The following RCSD1 variants were observed in gnomAD, a reference collection of about 807,000 sequenced individuals.
The protein encoded by RCSD1 is RCSD domain containing 1, also known as capZ-interacting protein.
RCSD1 carries 26 observed loss-of-function variants against 42.5 expected under a neutral mutation model. The ratio of observed to expected loss-of-function variants is 0.61; its 90% CI spans 0.45 to 0.85. The LOEUF (loss-of-function observed/expected upper bound fraction) is 0.85, where lower values mean the gene tolerates loss of function less well. Ranked by LOEUF, RCSD1 falls within the 40% of genes least tolerant of loss-of-function variation. The pLI is 0.00. For synonymous variants in RCSD1, 220 were observed against 212.2 expected (o/e 1.04, Z -0.32); for missense variants, 571 against 528.3 (o/e 1.08, Z -0.79).
At chr1:167,636,881 A>G (rs1333335467) in intron 1 of RCSD1, among the ~76,000 whole-genome samples, 1 of 152,290 alleles carries the variant, frequency 6.6e-6, no homozygotes, top group Non-Finnish European at 1.5e-5. Flanking sequence ...CGCCTGGCCC[A>G]TGCACTAGGT....
intron 4 of RCSD1, among the ~76,000 whole-genome samples, chr1:167,692,140 G>A (rs1239662859): frequency 6.6e-6 from 1 of 152,190 alleles, no homozygotes; most frequent in Non-Finnish European, 1.5e-5. Flanking sequence ...CATTAAGATT[G>A]TCAGCAATAG....
intron 1 of RCSD1, among the ~76,000 whole-genome samples, chr1:167,638,999 C>T (rs556652172): frequency 1.7e-4 from 26 of 152,120 alleles, no homozygotes; most frequent in Non-Finnish European, 2.6e-4. Context: ...GGGCGGATCA[C>T]GAGGTCAGGA....
chr1:167,692,357 A>G (rs1050195977), intron 4 of RCSD1, among the ~76,000 whole-genome samples: 5 of 152,130 alleles, frequency 3.3e-5, no homozygotes, highest in African/African-American at 7.2e-5. Flanking sequence ...AAGCAGTCTT[A>G]CAGAGGGAAT....
intron 1 of RCSD1, among the ~76,000 whole-genome samples, chr1:167,639,458 G>A (rs1372528323): frequency 6.6e-6 from 1 of 152,014 alleles, no homozygotes; most frequent in Non-Finnish European, 1.5e-5. Context: ...GGTGGGTAGG[G>A]AGAAGAACCA....
intron 1 of RCSD1, among the ~76,000 whole-genome samples, chr1:167,630,910 G>A (rs920510448): frequency 6.6e-6 from 1 of 152,118 alleles, no homozygotes; most frequent in African/African-American, 2.4e-5. Context: ...TTCCCTTTTC[G>A]CTTTCGGAGT....
intron 4 of RCSD1, among the ~76,000 whole-genome samples, chr1:167,691,674 C>T (rs995820137): frequency 3.3e-5 from 5 of 152,240 alleles, no homozygotes; most frequent in Non-Finnish European, 1.5e-5. Flanking sequence ...ATGGGAGAGC[C>T]TAGGGATTTG....
At chr1:167,676,549 C>A (rs757605197) in intron 1 of RCSD1, among the ~76,000 whole-genome samples, 10 of 151,800 alleles carry the variant, frequency 6.6e-5, no homozygotes, top group Non-Finnish European at 1.5e-4. Flanking sequence ...AAAATAATTT[C>A]TTTTCTTTCT....
At chr1:167,685,731 A>G (rs547140354) in intron 3 of RCSD1, among the ~76,000 whole-genome samples, 1 of 152,234 alleles carries the variant, frequency 6.6e-6, no homozygotes, top group South Asian at 2.1e-4. Flanking sequence ...CTCCTTTATG[A>G]TTTGTCAAGG....
At chr1:167,653,805 TGAA>T (rs1571680277) in intron 1 of RCSD1, among the ~76,000 whole-genome samples, 1 of 152,246 alleles carries the variant, frequency 6.6e-6, no homozygotes, top group East Asian at 1.9e-4. Context: ...TCTTGGATGA[TGAA>T]GAAGAACTGT....
chr1:167,638,548 G>A (rs530289457), intron 1 of RCSD1: 1 of 152,380 alleles, frequency 6.6e-6, no homozygotes, highest in East Asian at 1.9e-4. Flanking sequence ...CAGCACCTGT[G>A]TGGGCTCTCG....
chr1:167,667,628 C>A (rs1658692460), intron 1 of RCSD1, among the ~76,000 whole-genome samples: 1 of 152,148 alleles, frequency 6.6e-6, no homozygotes, highest in African/African-American at 2.4e-5. Flanking sequence ...AGACAGGAGG[C>A]TCAGATTGTT....
At chr1:167,667,989 G>A (rs1023062386) in intron 1 of RCSD1, among the ~76,000 whole-genome samples, 6 of 152,114 alleles carry the variant, frequency 3.9e-5, no homozygotes, top group African/African-American at 1.4e-4. Context: ...TGAAAAATGT[G>A]GGTATTTTAA....
chr1:167,651,492 G>A (rs182301885), intron 1 of RCSD1, among the ~76,000 whole-genome samples: 441 of 152,306 alleles, frequency 2.9e-3, no homozygotes, highest in Non-Finnish European at 4.6e-3. Context: ...CTCCTCGCAC[G>A]CCGACCTGGG....
chr1:167,657,694 G>A (rs568730217), intron 1 of RCSD1, among the ~76,000 whole-genome samples: 49 of 152,280 alleles, frequency 3.2e-4, no homozygotes, highest in African/African-American at 1.2e-3. Flanking sequence ...ACTGCTCACT[G>A]CAGCGTTGTT....
intron 6 of RCSD1, among the ~76,000 whole-genome samples, chr1:167,703,178 TTC>T (rs1242084099): frequency 6.6e-6 from 1 of 152,170 alleles, no homozygotes; most frequent in Non-Finnish European, 1.5e-5. Context: ...TTGGCCCTAT[TTC>T]TTCTCAGTTC....
chr1:167,693,775 A>C (rs1215360804), intron 4 of RCSD1, among the ~76,000 whole-genome samples: 1 of 152,220 alleles, frequency 6.6e-6, no homozygotes, highest in African/African-American at 2.4e-5. Flanking sequence ...TCCTGGTGCC[A>C]CAGGTGCTCC....
chr1:167,697,041 C>T, intron 5 of RCSD1, 58 bp from the exon 6 acceptor site: 2 of 1,525,032 alleles, frequency 1.3e-6, no homozygotes, highest in Non-Finnish European at 1.8e-6. Context: ...GCATACAGTC[C>T]TCCTCTTGGC....
At chr1:167,701,296 C>CTT (rs1659635099) in intron 6 of RCSD1, among the ~76,000 whole-genome samples, 1 of 147,614 alleles carries the variant, frequency 6.8e-6, no homozygotes, top group African/African-American at 2.5e-5. Context: ...TTCTTTCTTT[C>CTT]TTTCTTTCTT....
At chr1:167,658,556 A>G (rs7546961) in intron 1 of RCSD1, among the ~76,000 whole-genome samples, 10,647 of 152,004 alleles carry the variant, frequency 0.07, 404 homozygotes, top group South Asian at 0.089. Flanking sequence ...CTCCTGAGTA[A>G]CTGGGATTAC....
Sources: allele counts gnomAD v4.1 joint callset (sites outside exome capture counted in the v4.1 genomes callset), GRCh38; gene constraint gnomAD v4.1.1; transcripts MANE v1.5; gene names NCBI Gene and HGNC (gene_info 2026-07-23, HGNC 2026-07-21).